Variants in ZNF503 observed in about 807,000 individuals in gnomAD.
ZNF503 encodes NocA-like zinc finger 2.
A neutral mutation model predicts 34.4 loss-of-function variants in ZNF503; 15 were observed. The ratio of observed to expected loss-of-function variants is 0.44; its 90% CI spans 0.29 to 0.67. ZNF503 has a LOEUF of 0.67. Ranked by LOEUF, ZNF503 falls within the 30% of genes least tolerant of loss-of-function variation. ZNF503 has a pLI of 0.13. For synonymous variants in ZNF503, 580 were observed against 456.8 expected, an observed-to-expected ratio of 1.27 and a Z score of -3.44; for missense variants, 1,007 against 926.8, an observed-to-expected ratio of 1.09 and a Z score of -1.12.
Position 75,399,794 on chromosome 10 carries a change from T to C in ZNF503, c.896A>G (p.Asp299Gly). The change falls in exon 2 of 2, where the codon GAT (aspartate) becomes GGT (glycine). Residue 299 changes from aspartate to glycine, a missense_variant. Asp to Gly is a moderately conservative substitution (Grantham distance 94). Coordinates refer to ENST00000372524, the MANE Select transcript of ZNF503 (RefSeq NM_032772.6). ...GINVDVNQHP[D>G]GGPGGKALGS... ...CAGAGCCTTGCCTCCCGGGCCCCCA[T>C]CCGGATGCTGGTTCACATCCACATT... The C allele has an allele frequency of 1.9e-6, 3 of 1,598,346 alleles. No individual in the cohort carries two copies. The highest frequency in any genetic ancestry group is 1.7e-4 in the Middle Eastern group (1 of 6,038).
At chr10:75,365,789 C>T in the ZNF503 span, among the ~76,000 whole-genome samples, 1 of 152,172 alleles carries the variant, frequency 6.6e-6, no homozygotes, top group Non-Finnish European at 1.5e-5. Context: ...AGTGCACGGC[C>T]TATGGTGAGT....
the ZNF503 span, among the ~76,000 whole-genome samples, chr10:75,391,376 G>T: frequency 7.9e-5 from 12 of 152,134 alleles, no homozygotes; most frequent in African/African-American, 2.7e-4. Context: ...AGCTCAAGCA[G>T]CCATCTCGGA....
chr10:75,340,496 A>G, the ZNF503 span, among the ~76,000 whole-genome samples: 1 of 152,248 alleles, frequency 6.6e-6, no homozygotes, highest in Non-Finnish European at 1.5e-5. Context: ...ATCGTGAACA[A>G]CTGAAAACAA....
the ZNF503 span, among the ~76,000 whole-genome samples, chr10:75,391,414 T>G: frequency 6.6e-6 from 1 of 152,164 alleles, no homozygotes; most frequent in Non-Finnish European, 1.5e-5. Flanking sequence ...GATGAAAGCT[T>G]CCTGGGTTGG....
chr10:75,380,861 T>C, the ZNF503 span, among the ~76,000 whole-genome samples: 1 of 152,170 alleles, frequency 6.6e-6, no homozygotes, highest in African/African-American at 2.4e-5. Flanking sequence ...GACTTGGCCC[T>C]CAAGTGCCTG....
the ZNF503 span, among the ~76,000 whole-genome samples, chr10:75,380,295 C>A: frequency 2.6e-5 from 4 of 152,206 alleles, no homozygotes; most frequent in African/African-American, 4.8e-5. Flanking sequence ...AGTTACATAA[C>A]CCTGGGAAGT....
chr10:75,332,465 TTTC>T, the ZNF503 span, among the ~76,000 whole-genome samples: 12 of 73,584 alleles, frequency 1.6e-4, no homozygotes, highest in African/African-American at 8.1e-4. Flanking sequence ...AGTTTAAATT[TTTC>T]TTTTTTTTTT....
In ZNF503 at chr10:75,399,163, G is replaced by T. The variant is rs35764982; in HGVS notation, c.1527C>A (p.Asn509Lys). ...AGTTGCAGATGTGGGGGAGTGGGTC[G>T]TTAGGGAGCATAAAGCCGTAGGGGT... ...PLYPYGFMLP[N>K]DPLPHICNWV... Residue 509 changes from asparagine (N) to lysine (K), a missense_variant, in exon 2 of 2, where the codon AAC (asparagine) becomes AAA (lysine). Transcript: ENST00000372524. 3.7e-6 allele frequency: 6 copies of T among 1,612,684 alleles called. No individual in the cohort carries two copies. Among genetic ancestry groups the T allele is most frequent in the Non-Finnish European group, 5.1e-6 (6 of 1,179,200 alleles).
chr10:75,396,019 G>A (rs545070698), downstream of ZNF503, among the ~76,000 whole-genome samples: 1 of 152,238 alleles, frequency 6.6e-6, no homozygotes, highest in African/African-American at 2.4e-5. This position sits in a 1 kb window ranked among gnomAD's most constrained non-coding sequence, Gnocchi z 4.4. Flanking sequence ...GGTCGCAGTG[G>A]CCAGGAGCGC....
downstream of ZNF503, among the ~76,000 whole-genome samples, chr10:75,397,336 G>C (rs1012630187): frequency 6.6e-6 from 1 of 152,164 alleles, no homozygotes; most frequent in Non-Finnish European, 1.5e-5. Context: ...CTCCCCCCAG[G>C]CCCGGGACAC....
the ZNF503 span, among the ~76,000 whole-genome samples, chr10:75,318,284 A>C: frequency 2.0e-5 from 3 of 152,226 alleles, no homozygotes; most frequent in Admixed American, 2.0e-4. Flanking sequence ...TAATATTTCC[A>C]AGAGCTGCAA....
chr10:75,365,033 C>G, the ZNF503 span, among the ~76,000 whole-genome samples: 1 of 152,190 alleles, frequency 6.6e-6, no homozygotes, highest in Non-Finnish European at 1.5e-5. Context: ...GAGGCAGAGT[C>G]CTTGTGTCCT....
chr10:75,401,498 CCGGGAGCAGGAGCAG>C lies in ZNF503; in HGVS notation c.-94_-80del, dbSNP rs1223979031. The C allele has an allele frequency of 6.8e-7, 1 of 1,462,018 alleles. No individual in the cohort carries two copies. The highest frequency in any genetic ancestry group is 9.0e-7 in the Non-Finnish European group (1 of 1,109,506). The allele number at this position is 1,462,018 out of a possible 1,614,324, so 90.6% of individuals were successfully genotyped here. A position where few individuals can be genotyped will look rare whatever the true frequency, so the allele number is the denominator to read the frequency against. On this transcript the variant is annotated 5_prime_UTR_variant, in exon 1 of 2. Coordinates refer to ENST00000372524, the MANE Select transcript of ZNF503 (RefSeq NM_032772.6). Reference sequence around the variant, plus strand: ...GCGGGCTCGGGGCTGCGCGCTCGCCCCGGGAGCAGGAGCAGCGGGAGGAGGAGGAGCTGGCGCGGC... The same window carrying C: ...GCGGGCTCGGGGCTGCGCGCTCGCCCCGGGAGGAGGAGGAGCTGGCGCGGC...
the ZNF503 span, among the ~76,000 whole-genome samples, chr10:75,290,081 AAG>A: frequency 6.6e-6 from 1 of 152,166 alleles, no homozygotes. Flanking sequence ...TACCACCTGG[AAG>A]TGGAACCGTG....
At chr10:75,338,909 TC>T in the ZNF503 span, among the ~76,000 whole-genome samples, 3 of 152,182 alleles carry the variant, frequency 2.0e-5, no homozygotes, top group Non-Finnish European at 4.4e-5. Context: ...TCACTCTCGC[TC>T]TTTGCCTCCC....
At chr10:75,345,335 T>A in the ZNF503 span, among the ~76,000 whole-genome samples, 1 of 152,040 alleles carries the variant, frequency 6.6e-6, no homozygotes, top group Non-Finnish European at 1.5e-5. Context: ...TCTAAGACCC[T>A]CTGGCATGAA....
the ZNF503 span, among the ~76,000 whole-genome samples, chr10:75,364,606 A>T: frequency 6.6e-6 from 1 of 152,206 alleles, no homozygotes; most frequent in Non-Finnish European, 1.5e-5. Context: ...TACAAAGTCC[A>T]GAAAGCCCCA....
chr10:75,382,496 G>A, the ZNF503 span: 3 of 729,308 alleles, frequency 4.1e-6, no homozygotes, highest in Admixed American at 7.3e-5. Context: ...TTTGACAGCA[G>A]CAACCTCTTC....
rs367783349 is a variant in ZNF503 at position 75,399,961 on chromosome 10, G to A, written c.729C>T (p.Ser243=). ...ASACSPGGML[S]SAGGAPEGKD... ...TGCCCTCCGGGGCACCCCCGGCCGA[G>A]GACAGCATACCTCCCGGCGAGCAGG... Residue 243 remains serine (S), a synonymous_variant, in exon 2 of 2, where the codon TCC becomes TCT. Coordinates refer to ENST00000372524, the MANE Select transcript of ZNF503 (RefSeq NM_032772.6). The A allele has an allele frequency of 2.2e-4, 356 of 1,606,544 alleles. 3 individuals carry two copies. The Middle Eastern group carries it at 9.9e-3, about 45-fold the overall frequency.
Sources: gnomAD v4.1 joint callset for allele counts (sites outside exome capture counted in the v4.1 genomes callset) on GRCh38, gnomAD v4.1.1 for gene constraint, Gnocchi (gnomAD v3.1) non-coding constraint, MANE v1.5 for transcripts, NCBI Gene and HGNC (gene_info 2026-07-23, HGNC 2026-07-21) for gene names.